Variants in KCNQ1OT1 observed in about 807,000 individuals in gnomAD.
KCNQ1OT1 encodes the protein KCNQ1 opposite strand/antisense transcript 1, also known as KCNQ1 antisense RNA 2 (non-protein coding).
Position 2,683,114 on chromosome 11 carries a change from C to G in KCNQ1OT1, n.16881G>C, listed in dbSNP as rs530865565. 5.6e-6 allele frequency: 2 copies of G among 356,898 alleles called. No homozygotes were observed. Among genetic ancestry groups the G allele is most frequent in the South Asian group, 2.0e-4 (1 of 5,028 alleles). The allele number at this position is 356,898 out of a possible 1,614,324, so 22.1% of individuals were successfully genotyped here. A position where few individuals can be genotyped will look rare whatever the true frequency, so the allele number is the denominator to read the frequency against. Reference sequence around the variant, plus strand: ...AGATTTTCTTGTTCCCAGGATATATCGCACCAACTCAGGAGGGTGTGGGGA... The same window carrying G: ...AGATTTTCTTGTTCCCAGGATATATGGCACCAACTCAGGAGGGTGTGGGGA... On this transcript the variant is annotated non_coding_transcript_exon_variant, in exon 1 of 1. Coordinates refer to ENST00000597346, the Ensembl canonical transcript of KCNQ1OT1. The surrounding 1 kb of genome is among the most constrained non-coding windows in gnomAD (Gnocchi z 4.7).
exon 1 of KCNQ1OT1, chr11:2,640,715 T>G (rs757652021): frequency 6.5e-5 from 26 of 398,452 alleles, no homozygotes; most frequent in Non-Finnish European, 1.0e-4. Context: ...TTTTTTATTT[T>G]GAAATATACA....
At chr11:2,696,974 T>C (rs1850687641) in exon 1 of KCNQ1OT1, 12 of 398,594 alleles carry the variant, frequency 3.0e-5, no homozygotes, top group Non-Finnish European at 4.9e-5. Context: ...CCTTAATTTT[T>C]TTTTTCCATG....
At position 2,652,115 on chromosome 11, in the gene KCNQ1OT1, G is replaced by A. The variant is rs1016405522; in HGVS notation, n.47880C>T. 1 of 398,584 alleles carries A rather than the reference G, an allele frequency of 2.5e-6. No homozygotes were observed. Among genetic ancestry groups the A allele is most frequent in the African/African-American group, 2.1e-5 (1 of 48,618 alleles). 24.7% of individuals were successfully genotyped at this position (398,584 alleles called of 1,614,324 possible). ...GCCCCAGTTCTGGCCTGGCTGGGAGGTGGCCTGGGAAGGGACCTGTGTTTC... is the reference window on the plus strand; with the variant it reads ...GCCCCAGTTCTGGCCTGGCTGGGAGATGGCCTGGGAAGGGACCTGTGTTTC... On this transcript the variant is annotated non_coding_transcript_exon_variant, in exon 1 of 1. Coordinates refer to ENST00000597346, the Ensembl canonical transcript of KCNQ1OT1. The surrounding 1 kb of genome is among the most constrained non-coding windows in gnomAD (Gnocchi z 5.9).
exon 1 of KCNQ1OT1, chr11:2,699,735 C>A: frequency 2.9e-6 from 1 of 344,578 alleles, no homozygotes; most frequent in African/African-American, 2.6e-5. Context: ...GGGAGAACTG[C>A]GCCGAGGAGC....
chr11:2,667,042 C>G (rs965092557), exon 1 of KCNQ1OT1: 1 of 398,574 alleles, frequency 2.5e-6, no homozygotes, highest in African/African-American at 2.1e-5. Context: ...TAGCCCCAGC[C>G]AGGCTCAAAC....
In KCNQ1OT1 at chr11:2,652,354, T is replaced by C. The variant is rs1849770771; in HGVS notation, n.47641A>G. ...GAACTGGCACATTTCCGCGATGTTG[T>C]GATGAAGGTGAAAAGATCGCTCTTA... is the stretch of plus-strand genomic sequence containing the variant. On this transcript the variant is annotated non_coding_transcript_exon_variant, in exon 1 of 1. Transcript: ENST00000597346. The surrounding 1 kb of genome is among the most constrained non-coding windows in gnomAD (Gnocchi z 5.9). 1 of 398,558 alleles carries C rather than the reference T, an allele frequency of 2.5e-6. No homozygotes were observed. The highest frequency in any genetic ancestry group is 4.4e-5 in the Admixed American group (1 of 22,718). 24.7% of individuals were successfully genotyped at this position (398,558 alleles called of 1,614,324 possible). A position where few individuals can be genotyped will look rare whatever the true frequency, so the allele number is the denominator to read the frequency against.
In KCNQ1OT1 at chr11:2,667,425, C is replaced by T. The variant is rs759673392; in HGVS notation, n.32570G>A. Reference sequence around the variant, plus strand: ...CTCAGCCCTCTCCACTTGTGAACTCCCAGCCATGATGCTGCTCAGGTCCTC... The same window carrying T: ...CTCAGCCCTCTCCACTTGTGAACTCTCAGCCATGATGCTGCTCAGGTCCTC... On this transcript the variant is annotated non_coding_transcript_exon_variant, in exon 1 of 1. Coordinates refer to ENST00000597346, the Ensembl canonical transcript of KCNQ1OT1. The T allele has an allele frequency of 1.3e-3, 500 of 398,728 alleles. No individual in the cohort carries two copies. Among genetic ancestry groups the T allele is most frequent in the Non-Finnish European group, 1.2e-3 (265 of 226,176 alleles). The allele number at this position is 398,728 out of a possible 1,614,324, so 24.7% of individuals were successfully genotyped here. A position where few individuals can be genotyped will look rare whatever the true frequency, so the allele number is the denominator to read the frequency against.
chr11:2,688,777 C>T, exon 1 of KCNQ1OT1: 1 of 398,838 alleles, frequency 2.5e-6, no homozygotes. Context: ...TATACCACAC[C>T]TATATACTTG....
chr11:2,696,126 AAGTTCATACATTTT>A, exon 1 of KCNQ1OT1: 1 of 398,638 alleles, frequency 2.5e-6, no homozygotes, highest in South Asian at 1.3e-4. Context: ...TAATGCATTC[AAGTTCATACATTTT>A]AGTCTTGAGG....
Position 2,662,127 on chromosome 11 carries a change from A to G in KCNQ1OT1, n.37868T>C, listed in dbSNP as rs760419. 756,250 of 1,612,088 alleles carry G rather than the reference A, an allele frequency of 0.47. 184,438 individuals are homozygous for G. The highest frequency in any genetic ancestry group is 0.81 in the African/African-American group (60,651 of 74,946). ...GAAGGGCTGGGCTGGAGGGGACTGG[A>G]GCTCAAGGAGTCAGACTTGGTGCTG... On this transcript the variant is annotated non_coding_transcript_exon_variant, in exon 1 of 1. Coordinates refer to ENST00000597346, the Ensembl canonical transcript of KCNQ1OT1.
chr11:2,610,948 A>G (rs559217276), exon 1 of KCNQ1OT1: 1 of 398,274 alleles, frequency 2.5e-6, no homozygotes, highest in South Asian at 1.3e-4. Flanking sequence ...AATTGATAGA[A>G]CAACAAGACA....
At chr11:2,619,494 T>C (rs1849127910) in exon 1 of KCNQ1OT1, 1 of 398,470 alleles carries the variant, frequency 2.5e-6, no homozygotes, top group South Asian at 1.3e-4. Context: ...TTAAATAAGA[T>C]TTGCATGCCA....
rs1171448046 is a variant in KCNQ1OT1 at position 2,629,025 on chromosome 11, A to G, written n.70970T>C. The G allele has an allele frequency of 1.0e-5, 4 of 398,172 alleles. No homozygotes were observed. In the Admixed American group the frequency reaches 1.3e-4, roughly 13 times the overall value. The allele number at this position is 398,172 out of a possible 1,614,324, so 24.7% of individuals were successfully genotyped here. On this transcript the variant is annotated non_coding_transcript_exon_variant, in exon 1 of 1. Transcript: ENST00000597346. ...ATATAATTCAAAATAAGCATGTGTA[A>G]TATCTTTCACTTTGTTCTTATTGCT...
exon 1 of KCNQ1OT1, chr11:2,619,263 T>C (rs910822462): frequency 5.0e-6 from 2 of 398,402 alleles, no homozygotes; most frequent in Admixed American, 8.8e-5. Context: ...TGGTTCATAG[T>C]AGAAGGGCTT....
rs564933456 is a variant in KCNQ1OT1 at position 2,663,371 on chromosome 11, G to A, written n.36624C>T. The A allele has an allele frequency of 2.5e-6, 1 of 398,794 alleles. No individual in the cohort carries two copies. Among genetic ancestry groups the A allele is most frequent in the Admixed American group, 4.4e-5 (1 of 22,748 alleles). The allele number at this position is 398,794 out of a possible 1,614,324, so 24.7% of individuals were successfully genotyped here. A position where few individuals can be genotyped will look rare whatever the true frequency, so the allele number is the denominator to read the frequency against. On this transcript the variant is annotated non_coding_transcript_exon_variant, in exon 1 of 1. Transcript: ENST00000597346. The surrounding 1 kb of genome is among the most constrained non-coding windows in gnomAD (Gnocchi z 5.2). ...TAGCCAGATGGGCTGCCCAGGTACAGGTCAGCACCAGAAGGCAGAATGATG... is the reference window on the plus strand; with the variant it reads ...TAGCCAGATGGGCTGCCCAGGTACAAGTCAGCACCAGAAGGCAGAATGATG...
At chr11:2,629,485 C>G (rs940220979) in exon 1 of KCNQ1OT1, 4 of 398,264 alleles carry the variant, frequency 1.0e-5, no homozygotes, top group African/African-American at 6.2e-5. Flanking sequence ...GGTCTGTGGT[C>G]CACTTTGAGT....
chr11:2,657,805 T>C lies in KCNQ1OT1; in HGVS notation n.42190A>G. On this transcript the variant is annotated non_coding_transcript_exon_variant, in exon 1 of 1. Transcript: ENST00000597346. The surrounding 1 kb of genome is among the most constrained non-coding windows in gnomAD (Gnocchi z 4.8). ...TTGAAGAATACCAGTCAGGTGTCATTGTCCCTCAGTTTGGATTTGTCTGGT... is the reference window on the plus strand; with the variant it reads ...TTGAAGAATACCAGTCAGGTGTCATCGTCCCTCAGTTTGGATTTGTCTGGT... 1 of 398,626 alleles carries C rather than the reference T, an allele frequency of 2.5e-6. No homozygotes were observed. The highest frequency in any genetic ancestry group is 3.6e-5 in the East Asian group (1 of 28,082). 24.7% of individuals were successfully genotyped at this position (398,626 alleles called of 1,614,324 possible).
exon 1 of KCNQ1OT1, chr11:2,650,560 G>T (rs1331746004): frequency 7.5e-6 from 3 of 398,556 alleles, no homozygotes; most frequent in Non-Finnish European, 1.3e-5. Flanking sequence ...GGCTTAGGCT[G>T]CTTGGTGCTT....
exon 1 of KCNQ1OT1, chr11:2,689,391 A>G: frequency 5.0e-6 from 2 of 398,734 alleles, no homozygotes; most frequent in South Asian, 2.5e-4. Flanking sequence ...GGGTGGAAGA[A>G]GCCCACTCTT....
Sources: gnomAD v4.1 joint callset for allele counts on GRCh38, gnomAD v4.1.1 for gene constraint, Gnocchi (gnomAD v3.1) non-coding constraint, MANE v1.5 for transcripts, NCBI Gene and HGNC (gene_info 2026-07-23, HGNC 2026-07-21) for gene names.